The following FAM110B variants were observed in gnomAD, a reference collection of about 807,000 sequenced individuals.
The protein encoded by FAM110B is family with sequence similarity 110 member B.
Under a neutral mutation model 20.4 loss-of-function variants are expected in FAM110B, and 6 were observed. The ratio of observed to expected loss-of-function variants is 0.29; its 90% CI spans 0.16 to 0.58. The LOEUF is 0.58. FAM110B is among the 20% of genes least tolerant of loss of function. FAM110B has a pLI of 0.90. For synonymous variants in FAM110B, 226 were observed against 214.1 expected (o/e 1.06, Z -0.49); for missense variants, 434 against 498.2 (o/e 0.87, Z 1.23).
rs897902235 is a variant in FAM110B at position 58,075,626 on chromosome 8, A to G, written c.-325+3A>G. The G allele has an allele frequency of 1.3e-5, 2 of 152,118 alleles. No individual in the cohort carries two copies. Among genetic ancestry groups the G allele is most frequent in the East Asian group, 3.9e-4 (2 of 5,194 alleles). 9.4% of individuals were successfully genotyped at this position (152,118 alleles called of 1,614,324 possible). ...TAAAATACTCATTCCCCTCTCAGGT[A>G]AGCATATTGCTTTGCTTTGATCCAT... On this transcript the variant is annotated splice_donor_region_variant and intron_variant, in intron 3 of 3. Transcript: ENST00000519262.
At chr8:57,995,643 G>T (rs958198812) in intron 1 of FAM110B, among the ~76,000 whole-genome samples, 7 of 152,286 alleles carry the variant, frequency 4.6e-5, no homozygotes, top group African/African-American at 1.7e-4. Flanking sequence ...GGCTCGTGGG[G>T]AAGGAAGGGA....
intron 3 of FAM110B, among the ~76,000 whole-genome samples, chr8:58,138,019 GC>G (rs1274606898): frequency 6.6e-6 from 1 of 152,196 alleles, no homozygotes; most frequent in East Asian, 1.9e-4. Flanking sequence ...ACTTGCTCCA[GC>G]TCCTCTCCTG....
At chr8:58,060,927 T>C (rs1805644612) in intron 2 of FAM110B, among the ~76,000 whole-genome samples, 1 of 152,080 alleles carries the variant, frequency 6.6e-6, no homozygotes, top group East Asian at 1.9e-4. Flanking sequence ...CCTGTATGAT[T>C]TTCTGCTTTC....
chr8:58,008,149 T>TA (rs1804451310), intron 1 of FAM110B, among the ~76,000 whole-genome samples: 2 of 148,270 alleles, frequency 1.3e-5, no homozygotes, highest in Admixed American at 6.8e-5. Context: ...TTTTTTTTTT[T>TA]AAAGTCTCAC....
chr8:58,092,980 C>T (rs1247022898), intron 3 of FAM110B, among the ~76,000 whole-genome samples: 1 of 152,162 alleles, frequency 6.6e-6, no homozygotes, highest in Non-Finnish European at 1.5e-5. Context: ...TTTTGTTTTG[C>T]ATTTCTCTAA....
At chr8:58,104,133 C>T (rs1040257247) in intron 3 of FAM110B, among the ~76,000 whole-genome samples, 3 of 152,298 alleles carry the variant, frequency 2.0e-5, no homozygotes, top group African/African-American at 7.2e-5. Flanking sequence ...AAAGATTTAC[C>T]TGTCAACTTA....
At chr8:58,052,808 C>T (rs1323458382) in intron 2 of FAM110B, among the ~76,000 whole-genome samples, 25 of 91,930 alleles carry the variant, frequency 2.7e-4, no homozygotes, top group African/African-American at 6.7e-4. Context: ...TTTTTTGAGA[C>T]GGAGTCTCGC....
At chr8:58,086,693 A>G (rs1041742505) in intron 3 of FAM110B, among the ~76,000 whole-genome samples, 2 of 152,094 alleles carry the variant, frequency 1.3e-5, no homozygotes, top group African/African-American at 4.8e-5. Flanking sequence ...TCATATGTAA[A>G]ATACTCTACA....
chr8:58,066,155 A>C (rs926694791), intron 2 of FAM110B, among the ~76,000 whole-genome samples: 2 of 152,168 alleles, frequency 1.3e-5, no homozygotes, highest in African/African-American at 4.8e-5. Context: ...TTGAGGAAGA[A>C]CAAAAACTAG....
chr8:58,075,267 T>TGTGTGTGTGTGTGTGTGTGTGTGTGTGTG (rs1554521043), intron 2 of FAM110B, among the ~76,000 whole-genome samples: 1 of 134,184 alleles, frequency 7.5e-6, no homozygotes, highest in Non-Finnish European at 1.5e-5. Context: ...TTTTGCTTTT[T>TGTGTGTGTGTGTGTGTGTGTGTGTGTGTG]TTTTTTTTTG....
intron 3 of FAM110B, among the ~76,000 whole-genome samples, chr8:58,079,076 C>G (rs1253001285): frequency 5.9e-5 from 9 of 152,114 alleles, no homozygotes; most frequent in Admixed American, 5.9e-4. Flanking sequence ...TGCCAGCACC[C>G]CTGACTTTTG....
intron 3 of FAM110B, among the ~76,000 whole-genome samples, chr8:58,138,242 T>A (rs1236894047): frequency 6.6e-6 from 1 of 152,220 alleles, no homozygotes; most frequent in African/African-American, 2.4e-5. Context: ...TCTGCTCAGC[T>A]AGTGGATGCC....
At chr8:57,998,949 G>C (rs1161614683) in intron 1 of FAM110B, among the ~76,000 whole-genome samples, 1 of 152,146 alleles carries the variant, frequency 6.6e-6, no homozygotes, top group Admixed American at 6.5e-5. Context: ...GGGAAGAAGG[G>C]ATTGAGTGAG....
intron 1 of FAM110B, among the ~76,000 whole-genome samples, chr8:58,006,813 T>G (rs1365226022): frequency 1.3e-5 from 2 of 150,176 alleles, no homozygotes; most frequent in East Asian, 2.0e-4. Context: ...ATCTCTACGT[T>G]TTGAACTCAG....
At chr8:58,045,201 C>T (rs539813957) in intron 2 of FAM110B, among the ~76,000 whole-genome samples, 2 of 152,172 alleles carry the variant, frequency 1.3e-5, no homozygotes, top group East Asian at 3.9e-4. Flanking sequence ...AATTCCATTC[C>T]CTTAACTGTT....
chr8:58,022,672 C>G (rs1057445669), intron 1 of FAM110B, among the ~76,000 whole-genome samples: 2 of 152,042 alleles, frequency 1.3e-5, no homozygotes, highest in Non-Finnish European at 2.9e-5. Flanking sequence ...TGTAGAACAG[C>G]AGAAAACATG....
chr8:58,048,995 C>G (rs1007992486), intron 2 of FAM110B, among the ~76,000 whole-genome samples: 5 of 152,154 alleles, frequency 3.3e-5, no homozygotes, highest in Admixed American at 1.3e-4. Context: ...ATTTTCATTT[C>G]CTTTCAGCAG....
intron 3 of FAM110B, among the ~76,000 whole-genome samples, chr8:58,145,506 A>G (rs1173392304): frequency 6.6e-6 from 1 of 152,202 alleles, no homozygotes; most frequent in African/African-American, 2.4e-5. Context: ...AGGGATTCGT[A>G]GGAACTCAGT....
intron 3 of FAM110B, among the ~76,000 whole-genome samples, chr8:58,082,279 C>G (rs1019241616): frequency 6.6e-6 from 1 of 152,150 alleles, no homozygotes; most frequent in Non-Finnish European, 1.5e-5. Context: ...AGTAGAGTGA[C>G]GTCTTAATGG....
Sources: gnomAD v4.1 joint callset for allele counts (sites outside exome capture counted in the v4.1 genomes callset) on GRCh38, gnomAD v4.1.1 for gene constraint, MANE v1.5 for transcripts, NCBI Gene and HGNC (gene_info 2026-07-23, HGNC 2026-07-21) for gene names.